The following ULK1 variants were observed in gnomAD, a reference collection of about 807,000 sequenced individuals.
The protein encoded by ULK1 is serine/threonine-protein kinase ULK1.
ULK1 carries 48 observed loss-of-function variants against 117.5 expected under a neutral mutation model. The observed-to-expected ratio is 0.41, with a 90% CI of 0.32 to 0.52. The LOEUF (loss-of-function observed/expected upper bound fraction) is 0.52. Among genes scored for constraint, ULK1 ranks in the 20% least tolerant of loss-of-function variants. The pLI, the probability that ULK1 is intolerant of heterozygous loss-of-function variation, is 0.29. For synonymous variants in ULK1, 790 were observed against 637.8 expected (o/e 1.24, Z -3.60); for missense variants, 1,387 against 1,473.4 (o/e 0.94, Z 0.96).
In ULK1 at chr12:131,902,780, C is replaced by G. The variant is rs560580480; in HGVS notation, c.247-4112C>G. Reference sequence around the variant, plus strand: ...GTGTGTGTCACCACGGGACGGACCCCCGGACCCTGTCTTGGGAGGCGAGCT... The same window carrying G: ...GTGTGTGTCACCACGGGACGGACCCGCGGACCCTGTCTTGGGAGGCGAGCT... On this transcript the variant is annotated intron_variant, in intron 3 of 27. Transcript: ENST00000321867. This position sits in a 1 kb window ranked among gnomAD's most constrained non-coding sequence, Gnocchi z 6.3. Among the ~76,000 whole-genome samples, 15 of 152,222 alleles carry G rather than the reference C, an allele frequency of 9.9e-5. No individual in the cohort carries two copies. The East Asian group carries it at 2.7e-3, about 27-fold the overall frequency.
intron 3 of ULK1, among the ~76,000 whole-genome samples, chr12:131,899,597 C>T (rs892665591): frequency 3.9e-5 from 6 of 152,178 alleles, no homozygotes; most frequent in Non-Finnish European, 2.9e-5. Context: ...CTCAAGAGAT[C>T]CTCCCACTTC....
At chr12:131,908,503 C>CATTAAAAAA in intron 5 of ULK1, 141 bp from the exon 6 acceptor site, 1 of 1,058,664 alleles carries the variant, frequency 9.4e-7, no homozygotes, top group South Asian at 1.9e-5. Flanking sequence ...GGCTTGTGCC[C>CATTAAAAAA]CTCCTGACCC....
chr12:131,915,061 C>G lies in ULK1; in HGVS notation c.1374-22C>G, dbSNP rs1889711692. 2.6e-6 allele frequency: 4 copies of G among 1,524,858 alleles called. No individual in the cohort carries two copies. The East Asian group carries it at 9.1e-5, about 35-fold the overall frequency. 94.5% of individuals were successfully genotyped at this position (1,524,858 alleles called of 1,614,324 possible). A position where few individuals can be genotyped will look rare whatever the true frequency, so the allele number is the denominator to read the frequency against. ...GGCAGGGCTGCTGAGGCCTCCCCTC[C>G]TAATATCTGCCTTGTCTTCAGGTCC... On this transcript the variant is annotated intron_variant, in intron 16 of 27. Transcript: ENST00000321867.
chr12:131,901,578 T>C (rs1469650012), intron 3 of ULK1, among the ~76,000 whole-genome samples: 1 of 152,096 alleles, frequency 6.6e-6, no homozygotes, highest in Admixed American at 6.5e-5. Context: ...CAGCTCCTGG[T>C]TCCCACACGC....
intron 15 of ULK1, 53 bp from the exon 16 acceptor site, chr12:131,914,298 TC>T (rs1254844646): frequency 1.9e-6 from 3 of 1,589,416 alleles, no homozygotes; most frequent in Non-Finnish European, 2.6e-6. Context: ...CTCCATGACC[TC>T]AGCCTCTTGT....
Position 131,919,394 on chromosome 12 carries a change from G to T in ULK1, c.2684+10G>T, listed in dbSNP as rs571520631. ...TGAGCCGAGAATGGGGGTGGGTGCC[G>T]CCAGGGCTGGGGTGGGGCGGGTGGT... On this transcript the variant is annotated intron_variant, in intron 24 of 27. Transcript: ENST00000321867. 10 of 465,220 alleles carry T rather than the reference G, an allele frequency of 2.1e-5. No individual in the cohort carries two copies. The highest frequency in any genetic ancestry group is 4.0e-5 in the Non-Finnish European group (10 of 249,100). The allele number at this position is 465,220 out of a possible 1,614,324, so 28.8% of individuals were successfully genotyped here.
chr12:131,917,596 G>C (rs373443417), intron 22 of ULK1, 42 bp downstream of exon 22: 3 of 1,349,316 alleles, frequency 2.2e-6, no homozygotes, highest in Non-Finnish European at 2.9e-6. Flanking sequence ...TTTTGGGGTG[G>C]TGGCAGCGCC....
intron 22 of ULK1, chr12:131,918,291 G>T (rs1889951861): frequency 3.1e-6 from 2 of 637,368 alleles, no homozygotes; most frequent in South Asian, 4.0e-5. Context: ...GGGAGCTGGG[G>T]ACTTGGGGGT....
In ULK1 at chr12:131,921,083, T is replaced by A. The variant is rs1440462526; in HGVS notation, c.2962-17T>A. The A allele has an allele frequency of 1.3e-6, 2 of 1,576,952 alleles. No homozygotes were observed. Among genetic ancestry groups the A allele is most frequent in the Admixed American group, 3.4e-5 (2 of 58,272 alleles). ...TGGGGTGAGCTGGCCCTGTCCAGCC[T>A]CTGTCCTCGCCCCCAGGTGCAGTCG... On this transcript the variant is annotated splice_polypyrimidine_tract_variant and intron_variant, in intron 26 of 27. Transcript: ENST00000321867.
At chr12:131,895,880 G>T (rs1888846474) in intron 3 of ULK1, 56 bp downstream of exon 3, 1 of 1,607,422 alleles carries the variant, frequency 6.2e-7, no homozygotes, top group South Asian at 1.1e-5. Flanking sequence ...TGTGGCCCCA[G>T]GTGCTGGATC....
chr12:131,905,782 C>T (rs890507385), intron 3 of ULK1, among the ~76,000 whole-genome samples: 15 of 152,230 alleles, frequency 9.9e-5, no homozygotes, highest in African/African-American at 3.6e-4. Context: ...GCTCCCAGTC[C>T]CAGGTGAGGG....
At position 131,915,780 on chromosome 12, in the gene ULK1, A is replaced by G; in HGVS notation, c.1610-111A>G. Reference sequence around the variant, plus strand: ...CGAGACCCCGTCTCAACAAAAGAAAAAGAGTGGGGCCTTGGAGTGCGTCTA... The same window carrying G: ...CGAGACCCCGTCTCAACAAAAGAAAGAGAGTGGGGCCTTGGAGTGCGTCTA... On this transcript the variant is annotated intron_variant, in intron 18 of 27. Coordinates refer to ENST00000321867, the MANE Select transcript of ULK1 (RefSeq NM_003565.4). The G allele has an allele frequency of 2.8e-6, 4 of 1,451,586 alleles. No individual in the cohort carries two copies. The African/African-American group carries it at 4.3e-5, about 16-fold the overall frequency. The allele number at this position is 1,451,586 out of a possible 1,614,324, so 89.9% of individuals were successfully genotyped here. A position where few individuals can be genotyped will look rare whatever the true frequency, so the allele number is the denominator to read the frequency against.
rs1249548610 is a variant in ULK1 at position 131,921,973 on chromosome 12, G to A, written c.*612G>A. On this transcript the variant is annotated 3_prime_UTR_variant, in exon 28 of 28. Coordinates refer to ENST00000321867, the MANE Select transcript of ULK1 (RefSeq NM_003565.4). ...CCCCCAAGCCCGAGCACCGGACCACGTTGCTGCCCAGGTCTGGACCTCAGC... is the reference window on the plus strand; with the variant it reads ...CCCCCAAGCCCGAGCACCGGACCACATTGCTGCCCAGGTCTGGACCTCAGC... 3.3e-5 allele frequency: 15 copies of A among 456,078 alleles called. No individual in the cohort carries two copies. Among genetic ancestry groups the A allele is most frequent in the Non-Finnish European group, 5.7e-5 (13 of 226,742 alleles). The allele number at this position is 456,078 out of a possible 1,614,324, so 28.3% of individuals were successfully genotyped here. A position where few individuals can be genotyped will look rare whatever the true frequency, so the allele number is the denominator to read the frequency against.
rs1889387816 is a variant in ULK1 at position 131,908,788 on chromosome 12, C to G, written c.461C>G (p.Ala154Gly). 1 of 1,607,042 alleles carries G rather than the reference C, an allele frequency of 6.2e-7. No individual in the cohort carries two copies. Among genetic ancestry groups the G allele is most frequent in the African/African-American group, 1.3e-5 (1 of 74,630 alleles). Residue 154 changes from alanine to glycine, a missense_variant, in exon 6 of 28, where the codon GCC becomes GGC. Physicochemically the swap from Ala to Gly is moderately conservative, Grantham distance 60 (BLOSUM62 0). Coordinates refer to ENST00000321867, the MANE Select transcript of ULK1 (RefSeq NM_003565.4). Reference sequence around the variant, plus strand: ...CTGTCCAACCCCGCCGGCCGCCGCGCCAACCCCAACAGCATCCGCGTCAAG... The same window carrying G: ...CTGTCCAACCCCGCCGGCCGCCGCGGCAACCCCAACAGCATCCGCGTCAAG... The part of the protein sequence containing the change: ...ILLSNPAGRR[A>G]NPNSIRVKIA...
intron 8 of ULK1, 61 bp downstream of exon 8, chr12:131,909,298 G>T: frequency 1.3e-6 from 2 of 1,490,484 alleles, no homozygotes; most frequent in South Asian, 2.5e-5. Context: ...CGCCAGCTGC[G>T]GTCAGACGCC....
At position 131,917,615 on chromosome 12, in the gene ULK1, C is replaced by G. The variant is rs926150748; in HGVS notation, c.2326+61C>G. The stretch of plus-strand genomic sequence containing the variant: ...GGGGTGGTGGCAGCGCCCTAGCGGA[C>G]GGGGGCATCCTTTAACTCGGGTCAC... On this transcript the variant is annotated intron_variant, in intron 22 of 27. Coordinates refer to ENST00000321867, the MANE Select transcript of ULK1 (RefSeq NM_003565.4). 3.1e-6 allele frequency: 4 copies of G among 1,309,336 alleles called. No homozygotes were observed. In the Admixed American group the frequency reaches 1.4e-4, roughly 45 times the overall value. 81.1% of individuals were successfully genotyped at this position (1,309,336 alleles called of 1,614,324 possible).
intron 26 of ULK1, chr12:131,920,538 C>T (rs1427811393): frequency 1.3e-5 from 3 of 226,912 alleles, no homozygotes; most frequent in Admixed American, 5.2e-5. Flanking sequence ...AGAGCTCCCT[C>T]TGCCTCTGAG....
In ULK1 at chr12:131,919,475, C is replaced by G; in HGVS notation, c.2688C>G (p.Phe896Leu). Residue 896 changes from phenylalanine (F) to leucine (L), a missense_variant, in exon 25 of 28, where the codon TTC becomes TTG. Phe to Leu is a conservative substitution (Grantham distance 22). Around this residue, in one of 4 missense-constraint regions of ULK1, gnomAD observed 900 missense variants for 858.9 expected, o/e 1.05. Coordinates refer to ENST00000321867, the MANE Select transcript of ULK1 (RefSeq NM_003565.4). ...QISLLSREWG[F>L]AEQLVLYLKV... is the part of the protein sequence containing the mutation. ...CTGATCTGCCTGCCGCCCCCAGCTTCGCGGAACAGCTGGTGCTGTACCTGA... is the reference window on the plus strand; with the variant it reads ...CTGATCTGCCTGCCGCCCCCAGCTTGGCGGAACAGCTGGTGCTGTACCTGA... The G allele has an allele frequency of 6.2e-7, 1 of 1,610,130 alleles. No homozygotes were observed.
At chr12:131,910,919 A>T (rs901324702) in intron 12 of ULK1, 119 bp downstream of exon 12, 2 of 1,489,630 alleles carry the variant, frequency 1.3e-6, no homozygotes, top group Admixed American at 2.2e-5. Flanking sequence ...GTCACGAAAG[A>T]CATGGATGAG....
Sources: allele counts gnomAD v4.1 joint callset (sites outside exome capture counted in the v4.1 genomes callset), GRCh38; gene constraint gnomAD v4.1.1; regional missense constraint gnomAD v4.1.1; non-coding constraint Gnocchi (gnomAD v3.1); transcripts MANE v1.5; gene names NCBI Gene and HGNC (gene_info 2026-07-23, HGNC 2026-07-21).